ZNF185: variants seen among roughly 807,000 people sequenced by gnomAD.
ZNF185 encodes zinc finger protein 185.
In ZNF185, 56 loss-of-function variants were observed where a neutral mutation model predicts 58.6. That is an observed-to-expected ratio of 0.95 (90% CI 0.77 to 1.19). ZNF185 has a LOEUF of 1.19. Among genes scored for constraint, ZNF185 ranks in the 50% most tolerant of loss-of-function variants. The pLI, the probability that ZNF185 is intolerant of heterozygous loss-of-function variation, is 0.00. For synonymous variants in ZNF185, 230 were observed against 215.9 expected (o/e 1.07, Z -0.57); for missense variants, 627 against 573.5 (o/e 1.09, Z -0.95).
intron 17 of ZNF185, among the ~76,000 whole-genome samples, chrX:152,961,179 T>A (rs2049428041): frequency 8.9e-6 from 1 of 112,263 alleles, no homozygotes; most frequent in African/African-American, 3.2e-5. Context: ...CCTCATCTTG[T>A]CCCTGCCAAT....
chrX:152,933,830 A>C (rs1355629292), intron 14 of ZNF185, among the ~76,000 whole-genome samples: 6 of 111,838 alleles, frequency 5.4e-5, no homozygotes, highest in African/African-American at 1.6e-4. Flanking sequence ...ATGCTTTCCT[A>C]CTTCCCTCAG....
chrX:152,955,899 TAA>T (rs77247991), intron 16 of ZNF185, among the ~76,000 whole-genome samples: 75 of 89,029 alleles, frequency 8.4e-4, no homozygotes, highest in Admixed American at 1.3e-3. Flanking sequence ...AGACTCCACC[TAA>T]AAAAAAAAAA....
chrX:152,935,397 G>T (rs950199283), intron 14 of ZNF185, among the ~76,000 whole-genome samples: 1 of 109,228 alleles, frequency 9.2e-6, no homozygotes, highest in Non-Finnish European at 1.9e-5. Flanking sequence ...CACCACGCCC[G>T]GCTAATTTTT....
At position 152,936,521 on chromosome X, in the gene ZNF185, T is replaced by C. The variant is rs1275784366; in HGVS notation, c.1122-1553T>C. ...TAGACCAGCAGCCATCAGGTAAGGT[T>C]AGGGCCACTGCCCTAGTGCCCTATC... On this transcript the variant is annotated intron_variant, in intron 14 of 22. Coordinates refer to ENST00000449285, the Ensembl canonical transcript of ZNF185. 2.0e-5 allele frequency: 23 copies of C among 1,158,521 alleles called. No individual in the cohort carries two copies. Among genetic ancestry groups the C allele is most frequent in the Non-Finnish European group, 2.7e-5 (23 of 866,129 alleles).
chrX:152,912,360 G>A (rs1266985456), upstream of ZNF185, among the ~76,000 whole-genome samples: 1 of 111,090 alleles, frequency 9.0e-6, no homozygotes, highest in Non-Finnish European at 1.9e-5. Context: ...CCTTTGCCAT[G>A]GGTCCCTCTG....
At chrX:152,936,475 C>A (rs1050327211) in intron 14 of ZNF185, 3 of 1,166,582 alleles carry the variant, frequency 2.6e-6, no homozygotes, top group Admixed American at 2.6e-5. Flanking sequence ...GGCACAGTGC[C>A]AACTCTCAGT....
chrX:152,918,422 G>A (rs1938980261), intron 6 of ZNF185, among the ~76,000 whole-genome samples: 1 of 113,019 alleles, frequency 8.8e-6, no homozygotes, highest in South Asian at 3.6e-4. Context: ...CCACGGATCT[G>A]GGGAAAGGGT....
the ZNF185 span, among the ~76,000 whole-genome samples, chrX:152,902,386 T>C: frequency 6.2e-5 from 7 of 113,144 alleles, no homozygotes; most frequent in East Asian, 1.9e-3. Flanking sequence ...GAGAGCTTGA[T>C]GTGGCGAAGA....
intron 15 of ZNF185, among the ~76,000 whole-genome samples, chrX:152,938,558 A>G (rs1050941810): frequency 9.0e-6 from 1 of 111,133 alleles, no homozygotes; most frequent in Non-Finnish European, 1.9e-5. Flanking sequence ...AGGGGGCTTC[A>G]TGGGGACTGT....
intron 15 of ZNF185, among the ~76,000 whole-genome samples, chrX:152,942,287 G>A (rs2047310927): frequency 8.9e-6 from 1 of 112,041 alleles, no homozygotes. Flanking sequence ...TACAGGGAGA[G>A]GCGGTATAGT....
At chrX:152,907,881 C>T in the ZNF185 span, among the ~76,000 whole-genome samples, 1 of 112,979 alleles carries the variant, frequency 8.9e-6, no homozygotes, top group Non-Finnish European at 1.9e-5. Context: ...TTCCAAAAAA[C>T]CAGAAGTCTT....
intron 16 of ZNF185, among the ~76,000 whole-genome samples, chrX:152,948,595 C>T (rs1024362521): frequency 2.2e-4 from 24 of 111,407 alleles, no homozygotes; most frequent in African/African-American, 6.9e-4. Flanking sequence ...AGCTTGTGCC[C>T]GGGTTCCCTC....
At chrX:152,934,933 C>G (rs970079972) in intron 14 of ZNF185, among the ~76,000 whole-genome samples, 1 of 111,837 alleles carries the variant, frequency 8.9e-6, no homozygotes, top group Non-Finnish European at 1.9e-5. Context: ...AAGGGATCCT[C>G]CCACATCAGC....
chrX:152,945,558 C>A, intron 16 of ZNF185, 94 bp downstream of exon 18: 1 of 971,657 alleles, frequency 1.0e-6, no homozygotes, highest in Non-Finnish European at 1.4e-6. Flanking sequence ...ACACCCTGTG[C>A]CAATACCCGA....
At chrX:152,965,504 G>A (rs1251565769) in exon 19 of ZNF185, 7 of 1,186,031 alleles carry the variant, frequency 5.9e-6, no homozygotes, top group Non-Finnish European at 7.9e-6. Context: ...CTTCTGGGAA[G>A]CCAGTATCTG....
chrX:152,902,106 G>A, the ZNF185 span, among the ~76,000 whole-genome samples: 2 of 112,495 alleles, frequency 1.8e-5, no homozygotes, highest in Non-Finnish European at 3.8e-5. Context: ...ATTAACGCCC[G>A]CTGAGCCATC....
exon 7 of ZNF185, chrX:152,919,024 C>T (rs2125323887): frequency 1.7e-6 from 2 of 1,210,149 alleles, no homozygotes; most frequent in East Asian, 5.9e-5. Flanking sequence ...TCAGGGGACA[C>T]CGAGGAGGAG....
rs57217093 is a variant in ZNF185 at position 152,966,012 on chromosome X, A to G, written c.1799+485A>G. 9.3e-3 allele frequency among the ~76,000 whole-genome samples: 1,023 copies of G among 109,637 alleles called. 14 individuals carry two copies. The highest frequency in any genetic ancestry group is 0.032 in the African/African-American group (955 of 30,094). ...TTAATTAATTAGTTAATTAATTTTA[A>G]TTAATTTTTTTTTGAGATGGAGTCT... On this transcript the variant is annotated intron_variant, in intron 19 of 22. Coordinates refer to ENST00000449285, the Ensembl canonical transcript of ZNF185.
At chrX:152,971,482 T>G (rs1231940703) in exon 23 of ZNF185, 1 of 112,291 alleles carries the variant, frequency 8.9e-6, no homozygotes, top group Non-Finnish European at 1.9e-5. Context: ...GTGTGTAGCT[T>G]CTTGTAGCTT....
Sources: allele counts gnomAD v4.1 joint callset (sites outside exome capture counted in the v4.1 genomes callset), GRCh38; gene constraint gnomAD v4.1.1; transcripts MANE v1.5; gene names NCBI Gene and HGNC (gene_info 2026-07-23, HGNC 2026-07-21).